The following TENM3 variants were observed in gnomAD, a reference collection of about 807,000 sequenced individuals.
TENM3 encodes the protein teneurin transmembrane protein 3.
Under a neutral mutation model 255.1 loss-of-function variants are expected in TENM3, and 63 were observed. The observed-to-expected ratio is 0.25, with a 90% CI of 0.20 to 0.30. The LOEUF (loss-of-function observed/expected upper bound fraction) is 0.30, where lower values mean the gene tolerates loss of function less well. TENM3 is among the 10% of genes least tolerant of loss of function. The pLI is 1.00. For synonymous variants in TENM3, 1,306 were observed against 1,322.3 expected, an observed-to-expected ratio of 0.99 and a Z score of 0.27; for missense variants, 2,929 against 3,461.1, an observed-to-expected ratio of 0.85 and a Z score of 3.86.
At chr4:182,582,229 C>T (rs1009429584) in intron 3 of TENM3, among the ~76,000 whole-genome samples, 11 of 152,224 alleles carry the variant, frequency 7.2e-5, no homozygotes, top group South Asian at 6.2e-4. Flanking sequence ...TGCCTTAATA[C>T]GAATACTTCC....
chr4:182,582,594 A>T (rs1449738216), intron 3 of TENM3, among the ~76,000 whole-genome samples: 3 of 151,276 alleles, frequency 2.0e-5, no homozygotes, highest in South Asian at 4.2e-4. Flanking sequence ...TAATTAAATT[A>T]CTTATAACCA....
At chr4:182,104,019 G>A in the TENM3 span, among the ~76,000 whole-genome samples, 1 of 152,160 alleles carries the variant, frequency 6.6e-6, no homozygotes, top group African/African-American at 2.4e-5. Context: ...AAGTGTCATT[G>A]CCTCCCTTTG....
chr4:182,732,529 A>G (rs939977874), intron 16 of TENM3, among the ~76,000 whole-genome samples: 3 of 152,206 alleles, frequency 2.0e-5, no homozygotes, highest in Middle Eastern at 3.2e-3. Context: ...TGTTAGGTGT[A>G]ATAATAATGG....
intron 8 of TENM3, 67 bp from the exon 9 acceptor site, chr4:182,680,181 T>C: frequency 9.0e-7 from 1 of 1,115,460 alleles, no homozygotes; most frequent in Non-Finnish European, 1.4e-6. Flanking sequence ...AAGATCAAAG[T>C]GATACCGTTT....
the TENM3 span, among the ~76,000 whole-genome samples, chr4:181,668,778 C>T: frequency 1.3e-5 from 2 of 152,098 alleles, no homozygotes; most frequent in Non-Finnish European, 2.9e-5. Flanking sequence ...CACAAGCATT[C>T]CTACTCCTCC....
chr4:181,953,987 A>T, the TENM3 span, among the ~76,000 whole-genome samples: 2 of 152,126 alleles, frequency 1.3e-5, no homozygotes, highest in East Asian at 1.9e-4. Flanking sequence ...GTCACTAAGG[A>T]CTGGAAGGCA....
chr4:181,942,122 T>TTA, the TENM3 span, among the ~76,000 whole-genome samples: 1 of 152,152 alleles, frequency 6.6e-6, no homozygotes, highest in Non-Finnish European at 1.5e-5. Flanking sequence ...TGGCCTGAAA[T>TTA]GGACAGTCAC....
the TENM3 span, among the ~76,000 whole-genome samples, chr4:181,793,031 T>C: frequency 6.6e-6 from 1 of 152,054 alleles, no homozygotes; most frequent in Non-Finnish European, 1.5e-5. Context: ...AGACAAACAC[T>C]GTTACCTGTT....
chr4:181,748,106 T>G, the TENM3 span, among the ~76,000 whole-genome samples: 1 of 152,174 alleles, frequency 6.6e-6, no homozygotes, highest in African/African-American at 2.4e-5. Context: ...ATTCTCCTAG[T>G]AATTTTTAAA....
the TENM3 span, among the ~76,000 whole-genome samples, chr4:181,744,717 A>G: frequency 1.3e-5 from 2 of 152,230 alleles, no homozygotes; most frequent in Non-Finnish European, 2.9e-5. Flanking sequence ...GCAGTTTTAC[A>G]TTCCAAATGT....
chr4:182,632,570 G>A (rs925274465), intron 5 of TENM3, among the ~76,000 whole-genome samples: 1 of 152,002 alleles, frequency 6.6e-6, no homozygotes, highest in Non-Finnish European at 1.5e-5. Context: ...TGTGTGAATA[G>A]CCTCCACTTT....
At chr4:181,825,641 T>C in the TENM3 span, among the ~76,000 whole-genome samples, 1 of 152,164 alleles carries the variant, frequency 6.6e-6, no homozygotes, top group Non-Finnish European at 1.5e-5. Context: ...TTCACAAATG[T>C]AATGCCAGAT....
the TENM3 span, among the ~76,000 whole-genome samples, chr4:181,799,686 G>A: frequency 4.0e-5 from 6 of 151,798 alleles, no homozygotes; most frequent in Non-Finnish European, 5.9e-5. Flanking sequence ...TTAAGACACC[G>A]CCAAACACTT....
At chr4:181,501,801 A>G in the TENM3 span, among the ~76,000 whole-genome samples, 1 of 152,238 alleles carries the variant, frequency 6.6e-6, no homozygotes, top group African/African-American at 2.4e-5. Flanking sequence ...GTTCCATCTA[A>G]TATAAATAAA....
intron 13 of TENM3, among the ~76,000 whole-genome samples, chr4:182,723,505 G>C (rs1353098681): frequency 6.6e-6 from 1 of 152,168 alleles, no homozygotes; most frequent in Admixed American, 6.5e-5. Flanking sequence ...TTTTTGTCCA[G>C]TCTGTAAACC....
At chr4:182,470,478 G>A (rs1733012619) in intron 3 of TENM3, among the ~76,000 whole-genome samples, 1 of 152,150 alleles carries the variant, frequency 6.6e-6, no homozygotes, top group Non-Finnish European at 1.5e-5. Context: ...ACTTCAACCT[G>A]ACCACTTGCA....
At position 182,425,995 on chromosome 4, in the gene TENM3, G is replaced by A. The variant is rs991978706; in HGVS notation, c.511+79066G>A. 3.3e-4 allele frequency among the ~76,000 whole-genome samples: 30 copies of A among 90,428 alleles called. No homozygotes were observed. In the East Asian group the frequency reaches 7.0e-3, roughly 21 times the overall value. The allele number at this position is 90,428 out of a possible 152,430, so 59.3% of individuals were successfully genotyped here. Reference sequence around the variant, plus strand: ...TGCACTCCAGCCTAAGAGACAGAGCGAGAGTCCATGTCAAAAAAAAAAAAA... The same window carrying A: ...TGCACTCCAGCCTAAGAGACAGAGCAAGAGTCCATGTCAAAAAAAAAAAAA... On this transcript the variant is annotated intron_variant, in intron 3 of 27. Coordinates refer to ENST00000511685, the MANE Select transcript of TENM3 (RefSeq NM_001080477.4).
intron 1 of TENM3, among the ~76,000 whole-genome samples, chr4:182,280,286 A>C (rs1430715743): frequency 6.6e-6 from 1 of 152,192 alleles, no homozygotes; most frequent in Admixed American, 6.5e-5. Flanking sequence ...TGGGCCACAT[A>C]AATTTTTTGA....
At chr4:182,639,741 G>T (rs1374535977) in intron 5 of TENM3, among the ~76,000 whole-genome samples, 1 of 152,142 alleles carries the variant, frequency 6.6e-6, no homozygotes, top group African/African-American at 2.4e-5. Flanking sequence ...CACGAGGAAG[G>T]TCTCAGCAGA....
Sources: gnomAD v4.1 joint callset for allele counts (sites outside exome capture counted in the v4.1 genomes callset) on GRCh38, gnomAD v4.1.1 for gene constraint, MANE v1.5 for transcripts, NCBI Gene and HGNC (gene_info 2026-07-23, HGNC 2026-07-21) for gene names.